NRXN1: variants seen among roughly 807,000 people sequenced by gnomAD.
The protein encoded by NRXN1 is neurexin 1, also known as neurexin-1.
In NRXN1, 39 loss-of-function variants were observed where a neutral mutation model predicts 150.9. That is an observed-to-expected ratio of 0.26 (90% CI 0.20 to 0.34). The LOEUF (loss-of-function observed/expected upper bound fraction) is 0.34. NRXN1 is among the 10% of genes least tolerant of loss of function. The pLI, the probability that NRXN1 is intolerant of heterozygous loss-of-function variation, is 1.00. For synonymous variants in NRXN1, 924 were observed against 757.0 expected, an observed-to-expected ratio of 1.22 and a Z score of -3.62; for missense variants, 1,815 against 1,949.9, an observed-to-expected ratio of 0.93 and a Z score of 1.30.
chr2:50,329,264 T>C (rs1575104661), intron 17 of NRXN1, among the ~76,000 whole-genome samples: 1 of 152,196 alleles, frequency 6.6e-6, no homozygotes, highest in Non-Finnish European at 1.5e-5. Context: ...AATGAACAGA[T>C]AATTTGGTGA....
At chr2:50,178,951 C>G (rs1179541479) in intron 18 of NRXN1, among the ~76,000 whole-genome samples, 1 of 151,964 alleles carries the variant, frequency 6.6e-6, no homozygotes, top group Non-Finnish European at 1.5e-5. Context: ...TCAAAGTGCT[C>G]TTTGTAAAGA....
chr2:50,506,277 A>G (rs1558849325), intron 13 of NRXN1, among the ~76,000 whole-genome samples: 1 of 152,162 alleles, frequency 6.6e-6, no homozygotes, highest in Non-Finnish European at 1.5e-5. Context: ...TTGCACTATT[A>G]AAGGGCCAAG....
rs148685575 is a variant in NRXN1, at chr2:50,077,345, G to A, written c.3718+13978C>T. On this transcript the variant is annotated intron_variant, in intron 19 of 22. Transcript: ENST00000401669. ...TGAATTTCCTTTATTGAATCAATTTGACAGATTTAACATTCTATTTGAACT... is the reference window on the plus strand; with the variant it reads ...TGAATTTCCTTTATTGAATCAATTTAACAGATTTAACATTCTATTTGAACT... Among the ~76,000 whole-genome samples, 484 of 152,202 alleles carry A rather than the reference G, an allele frequency of 3.2e-3. 4 individuals are homozygous for A. Among genetic ancestry groups the A allele is most frequent in the African/African-American group, 0.011 (462 of 41,540 alleles).
At chr2:49,995,472 A>T (rs1175897788) in intron 21 of NRXN1, among the ~76,000 whole-genome samples, 1 of 152,104 alleles carries the variant, frequency 6.6e-6, no homozygotes, top group East Asian at 1.9e-4. Context: ...ATTTTCAACC[A>T]TCAGTAGACC....
chr2:50,458,812 T>C (rs548016591), intron 17 of NRXN1, among the ~76,000 whole-genome samples: 4 of 152,132 alleles, frequency 2.6e-5, no homozygotes, highest in African/African-American at 9.6e-5. Context: ...GAACTCCTAA[T>C]CTTGTGATCC....
chr2:50,635,378 G>T (rs1172473736), intron 5 of NRXN1, among the ~76,000 whole-genome samples: 1 of 151,158 alleles, frequency 6.6e-6, no homozygotes, highest in Non-Finnish European at 1.5e-5. Context: ...TGTTAGCCAG[G>T]ATGGTCTCGA....
chr2:50,070,626 C>A (rs539750056), intron 19 of NRXN1, among the ~76,000 whole-genome samples: 2 of 151,604 alleles, frequency 1.3e-5, no homozygotes, highest in Non-Finnish European at 2.9e-5. Flanking sequence ...AAAAATTATC[C>A]GGGCGTAGTG....
intron 5 of NRXN1, among the ~76,000 whole-genome samples, chr2:50,733,849 G>C (rs996531865): frequency 7.9e-5 from 12 of 152,236 alleles, no homozygotes; most frequent in African/African-American, 2.6e-4. Flanking sequence ...GTTTTAATCT[G>C]TACGTAAAAT....
At chr2:50,389,187 A>G (rs933014100) in intron 17 of NRXN1, among the ~76,000 whole-genome samples, 1 of 151,666 alleles carries the variant, frequency 6.6e-6, no homozygotes, top group African/African-American at 2.4e-5. Flanking sequence ...CAAAACACCA[A>G]AAATAAAAAG....
chr2:50,520,728 A>C (rs1313495995), intron 12 of NRXN1, among the ~76,000 whole-genome samples: 1 of 152,022 alleles, frequency 6.6e-6, no homozygotes, highest in East Asian at 1.9e-4. Flanking sequence ...TTGATTTATT[A>C]AACAGAATTT....
rs1038096902 is a variant in NRXN1 at position 49,922,031 on chromosome 2, A to G, written c.4437T>C (p.Asn1479=). The change falls in exon 23 of 23, where the codon AAT becomes AAC. Residue 1479 remains asparagine, a synonymous_variant. Coordinates refer to ENST00000401669, the MANE Select transcript of NRXN1 (RefSeq NM_001330078.2). ...GTTGTTTCTCCTTTACAACAGCCCC[A>G]TTGGACTGTGCTGAGTTACTGATGT... ...RNYISNSAQS[N]GAVVKEKQPS... 5 of 1,614,014 alleles carry G rather than the reference A, an allele frequency of 3.1e-6. No homozygotes were observed. The East Asian group carries it at 1.1e-4, about 36-fold the overall frequency.
chr2:50,964,652 T>C (rs1693765928), intron 2 of NRXN1, among the ~76,000 whole-genome samples: 1 of 151,506 alleles, frequency 6.6e-6, no homozygotes, highest in African/African-American at 2.4e-5. Flanking sequence ...TCATTACACA[T>C]GAATTTGACA....
intron 17 of NRXN1, among the ~76,000 whole-genome samples, chr2:50,271,251 T>C (rs1470298147): frequency 1.3e-5 from 2 of 152,184 alleles, no homozygotes; most frequent in Non-Finnish European, 2.9e-5. Context: ...TAGCTACCAA[T>C]AATGGAAAGT....
rs10187059 is a variant in NRXN1 at position 50,544,971 on chromosome 2, G to A, written c.1760-6335C>T. Among the ~76,000 whole-genome samples the A allele has an allele frequency of 5.3e-3, 814 of 152,196 alleles. 6 individuals are homozygous for A. Among genetic ancestry groups the A allele is most frequent in the African/African-American group, 0.019 (780 of 41,528 alleles). The stretch of plus-strand genomic sequence containing the variant: ...AAGTTTTTTTGTTACACAGTAATTG[G>A]TAAACTATAATCTTGACTATAGAAA... On this transcript the variant is annotated intron_variant, in intron 9 of 22. Transcript: ENST00000401669.
intron 21 of NRXN1, among the ~76,000 whole-genome samples, chr2:50,000,951 C>T (rs189999642): frequency 3.9e-5 from 6 of 152,108 alleles, no homozygotes; most frequent in East Asian, 1.9e-4. Flanking sequence ...TCAGACAACA[C>T]GGCCTTAATT....
At chr2:50,941,803 G>A (rs1188193330) in intron 2 of NRXN1, among the ~76,000 whole-genome samples, 1 of 152,210 alleles carries the variant, frequency 6.6e-6, no homozygotes, top group Admixed American at 6.5e-5. Context: ...ACTGGACCAT[G>A]TGGTAGAAGA....
intron 18 of NRXN1, among the ~76,000 whole-genome samples, chr2:50,202,136 C>A (rs934540937): frequency 6.6e-6 from 1 of 152,114 alleles, no homozygotes; most frequent in African/African-American, 2.4e-5. Flanking sequence ...CCATAATGGA[C>A]ACCACAAACA....
chr2:50,819,398 TATC>T (rs1263799038), intron 5 of NRXN1, among the ~76,000 whole-genome samples: 4 of 152,158 alleles, frequency 2.6e-5, no homozygotes, highest in Non-Finnish European at 4.4e-5. Context: ...ACCTTGAGGA[TATC>T]ATGCTAAGTG....
chr2:50,662,718 T>G (rs1403502972), intron 5 of NRXN1, among the ~76,000 whole-genome samples: 1 of 152,000 alleles, frequency 6.6e-6, no homozygotes, highest in African/African-American at 2.4e-5. Flanking sequence ...GGGCATCAAG[T>G]AGTAAATCCT....
Sources: allele counts gnomAD v4.1 joint callset (sites outside exome capture counted in the v4.1 genomes callset), GRCh38; gene constraint gnomAD v4.1.1; transcripts MANE v1.5; gene names NCBI Gene and HGNC (gene_info 2026-07-23, HGNC 2026-07-21).